The following PRDM5 variants were observed in gnomAD, a reference collection of about 807,000 sequenced individuals.
PRDM5 encodes PR/SET domain 5.
A neutral mutation model predicts 81.2 loss-of-function variants in PRDM5; 56 were observed. The ratio of observed to expected loss-of-function variants is 0.69; its 90% CI spans 0.56 to 0.86. PRDM5 has a LOEUF of 0.86. Ranked by LOEUF, PRDM5 falls within the 40% of genes least tolerant of loss-of-function variation. The probability of loss-of-function intolerance (pLI) is 0.00; values close to 1 mark genes in which losing one functional copy is unlikely to be tolerated. For missense variants in PRDM5, 697 were observed against 770.1 expected, an observed-to-expected ratio of 0.91 and a Z score of 1.12; for synonymous variants, 267 against 256.4, an observed-to-expected ratio of 1.04 and a Z score of -0.39.
At chr4:120,848,614 T>C (rs1341327052) in intron 3 of PRDM5, among the ~76,000 whole-genome samples, 6 of 152,192 alleles carry the variant, frequency 3.9e-5, no homozygotes, top group African/African-American at 1.4e-4. Flanking sequence ...AAGCATTCAG[T>C]AAGTGTTAGC....
At chr4:120,838,062 A>C (rs572197327) in intron 3 of PRDM5, 1 of 152,330 alleles carries the variant, frequency 6.6e-6, no homozygotes, top group South Asian at 2.1e-4. Flanking sequence ...TTTGACATAA[A>C]CTAACCATGA....
chr4:120,719,127 G>A (rs983650137), intron 14 of PRDM5, among the ~76,000 whole-genome samples: 1 of 152,136 alleles, frequency 6.6e-6, no homozygotes, highest in Admixed American at 6.6e-5. Context: ...ATAATTCTTT[G>A]GTGTGAGGAC....
At chr4:120,877,890 T>C (rs1339874476) in intron 2 of PRDM5, among the ~76,000 whole-genome samples, 4 of 152,190 alleles carry the variant, frequency 2.6e-5, no homozygotes, top group African/African-American at 9.6e-5. Context: ...ATGTGGCATG[T>C]AAGAATCTCT....
intron 13 of PRDM5, chr4:120,762,814 C>T (rs1488911231): frequency 6.6e-6 from 1 of 152,152 alleles, no homozygotes; most frequent in African/African-American, 2.4e-5. Context: ...TCCCATTAAT[C>T]AAATTCTGAG....
chr4:120,688,817 A>T (rs1042794644), downstream of PRDM5, among the ~76,000 whole-genome samples: 3 of 152,172 alleles, frequency 2.0e-5, no homozygotes, highest in African/African-American at 7.2e-5. Context: ...ATTCTGTTCC[A>T]TTGGCCTGTA....
intron 13 of PRDM5, among the ~76,000 whole-genome samples, chr4:120,767,012 G>A (rs1232423338): frequency 1.3e-5 from 2 of 152,136 alleles, no homozygotes; most frequent in Non-Finnish European, 2.9e-5. Flanking sequence ...TGCGAACAAG[G>A]GGGAAGAAGG....
At chr4:120,897,700 T>C (rs1025690389) in intron 2 of PRDM5, among the ~76,000 whole-genome samples, 3 of 152,226 alleles carry the variant, frequency 2.0e-5, no homozygotes, top group African/African-American at 7.2e-5. Flanking sequence ...TCATTCATTC[T>C]GTCTTTTGCT....
At chr4:120,857,866 A>G (rs892955221) in intron 2 of PRDM5, among the ~76,000 whole-genome samples, 2 of 152,178 alleles carry the variant, frequency 1.3e-5, no homozygotes, top group African/African-American at 4.8e-5. Context: ...CGAGTCTACA[A>G]TGTTGCTTAC....
At chr4:120,719,208 C>T (rs546947047) in intron 14 of PRDM5, among the ~76,000 whole-genome samples, 1 of 152,166 alleles carries the variant, frequency 6.6e-6, no homozygotes, top group Admixed American at 6.5e-5. Context: ...TTGTGACAAC[C>T]CAAAATATCT....
At chr4:120,792,309 A>G (rs1439385139) in intron 10 of PRDM5, among the ~76,000 whole-genome samples, 1 of 152,180 alleles carries the variant, frequency 6.6e-6, no homozygotes, top group African/African-American at 2.4e-5. Flanking sequence ...TGGTGCGGAG[A>G]CTGAAACCAT....
chr4:120,698,384 C>T (rs1451247812), intron 15 of PRDM5, among the ~76,000 whole-genome samples: 1 of 152,112 alleles, frequency 6.6e-6, no homozygotes, highest in Non-Finnish European at 1.5e-5. Context: ...AATTATCTGG[C>T]CTTTTATTCC....
At chr4:120,806,826 A>G (rs1753039965) in intron 8 of PRDM5, among the ~76,000 whole-genome samples, 1 of 152,230 alleles carries the variant, frequency 6.6e-6, no homozygotes, top group South Asian at 2.1e-4. Context: ...AAGCAATGGC[A>G]ACAAAAGCCA....
intron 8 of PRDM5, 128 bp from the exon 9 acceptor site, chr4:120,799,873 C>T (rs1751873702): frequency 6.8e-7 from 1 of 1,468,422 alleles, no homozygotes; most frequent in African/African-American, 1.4e-5. Context: ...ACAATTCAGC[C>T]CTAATTTGTT....
intron 14 of PRDM5, among the ~76,000 whole-genome samples, chr4:120,744,730 G>C (rs1183944940): frequency 6.6e-6 from 1 of 151,138 alleles, no homozygotes; most frequent in African/African-American, 2.4e-5. Context: ...GACTAAACCA[G>C]GAAGAAGTTG....
At chr4:120,754,706 T>C in intron 13 of PRDM5, 68 bp from the exon 14 acceptor site, 1 of 1,096,480 alleles carries the variant, frequency 9.1e-7, no homozygotes, top group Non-Finnish European at 1.4e-6. Flanking sequence ...TGCTATCACT[T>C]CTCACACACT....
chr4:120,844,684 A>G (rs751729893), intron 3 of PRDM5, among the ~76,000 whole-genome samples: 8 of 152,308 alleles, frequency 5.3e-5, no homozygotes, highest in African/African-American at 9.6e-5. Flanking sequence ...AATGAGGTCA[A>G]TTAATAACCC....
downstream of PRDM5, among the ~76,000 whole-genome samples, chr4:120,689,386 T>C (rs189581143): frequency 4.6e-4 from 70 of 152,238 alleles, no homozygotes; most frequent in African/African-American, 1.7e-3. Context: ...AGTGATACAG[T>C]TGTACTTGAC....
At chr4:120,895,784 C>T (rs370838477) in intron 2 of PRDM5, 5 of 152,218 alleles carry the variant, frequency 3.3e-5, no homozygotes, top group African/African-American at 9.7e-5. Context: ...TCAAACAATC[C>T]TCTCACGTCA....
At chr4:120,732,691 T>G (rs1740446900) in intron 14 of PRDM5, among the ~76,000 whole-genome samples, 1 of 152,212 alleles carries the variant, frequency 6.6e-6, no homozygotes, top group South Asian at 2.1e-4. Context: ...ATACTCCTGC[T>G]CTCTAACCTA....
Sources: gnomAD v4.1 joint callset for allele counts (sites outside exome capture counted in the v4.1 genomes callset) on GRCh38, gnomAD v4.1.1 for gene constraint, MANE v1.5 for transcripts, NCBI Gene and HGNC (gene_info 2026-07-23, HGNC 2026-07-21) for gene names.